The following FAM234B variants were observed in gnomAD, a reference collection of about 807,000 sequenced individuals.
FAM234B encodes the protein family with sequence similarity 234 member B.
In FAM234B, 33 loss-of-function variants were observed where a neutral mutation model predicts 69.3. The ratio of observed to expected loss-of-function variants is 0.48; its 90% CI spans 0.36 to 0.64. The LOEUF (loss-of-function observed/expected upper bound fraction) is 0.64. Among genes scored for constraint, FAM234B ranks in the 30% least tolerant of loss-of-function variants. The probability of loss-of-function intolerance (pLI) is 0.00; values close to 1 mark genes in which losing one functional copy is unlikely to be tolerated. For synonymous variants in FAM234B, 306 were observed against 306.9 expected, an observed-to-expected ratio of 1.00 and a Z score of 0.03; for missense variants, 697 against 769.7, an observed-to-expected ratio of 0.91 and a Z score of 1.12.
At chr12:13,061,544 T>G in intron 3 of FAM234B, 31 bp from the exon 4 acceptor site, 1 of 1,578,230 alleles carries the variant, frequency 6.3e-7, no homozygotes, top group Non-Finnish European at 8.6e-7. Context: ...TTGCCTGCTT[T>G]CCTTTTTTTA....
At position 13,079,979 on chromosome 12, in the gene FAM234B, T is replaced by C; in HGVS notation, c.1833T>C (p.Ser611=). 6.2e-7 allele frequency: 1 copy of C among 1,608,394 alleles called. No individual in the cohort carries two copies. Among genetic ancestry groups the C allele is most frequent in the Non-Finnish European group, 8.5e-7 (1 of 1,176,932 alleles). ...IGRGELRRFL[S]RIKFVEAPYE... is the part of the protein sequence containing the mutation. ...GTGGGGAGCTGCGAAGATTTCTCTC[T>C]AGGATAAAGTTTGTTGAAGCTCCCT... The change falls in exon 12 of 13, where the codon TCT becomes TCC. Residue 611 remains serine (S), a synonymous_variant. Transcript: ENST00000197268.
intron 1 of FAM234B, among the ~76,000 whole-genome samples, chr12:13,053,841 A>G (rs1864900655): frequency 6.6e-6 from 1 of 152,078 alleles, no homozygotes; most frequent in Non-Finnish European, 1.5e-5. Flanking sequence ...TCAACCACAT[A>G]AGACAGACAC....
Position 13,068,436 on chromosome 12 carries a change from A to G in FAM234B, c.1275A>G (p.Gln425=). The G allele has an allele frequency of 1.2e-6, 2 of 1,614,116 alleles. No individual in the cohort carries two copies. Among genetic ancestry groups the G allele is most frequent in the Non-Finnish European group, 1.7e-6 (2 of 1,180,006 alleles). ...NLTPYWALRL[Q]GLRSQPTPGY... ...CACCTTACTGGGCATTGAGACTTCA[A>G]GGCCTGCGCAGGTTTGCATTGTGTT... is the stretch of plus-strand genomic sequence containing the variant. The change falls in exon 8 of 13, where the codon CAA becomes CAG. Residue 425 remains glutamine (Q), a synonymous_variant. Transcript: ENST00000197268.
chr12:13,067,138 T>A lies in FAM234B; in HGVS notation c.1001-17T>A. 6.2e-7 allele frequency: 1 copy of A among 1,613,924 alleles called. No individual in the cohort carries two copies. The highest frequency in any genetic ancestry group is 8.5e-7 in the Non-Finnish European group (1 of 1,179,824). On this transcript the variant is annotated splice_polypyrimidine_tract_variant and intron_variant, in intron 6 of 12. Coordinates refer to ENST00000197268, the MANE Select transcript of FAM234B (RefSeq NM_020853.2). The surrounding 1 kb of genome is among the most constrained non-coding windows in gnomAD (Gnocchi z 4.7). ...GTTAAATTCAACTTCTCAGTGTTGG[T>A]TCTTCTGTGGTGCTAGGAAATATAC...
rs1226013558 is a variant in FAM234B, at chr12:13,066,787, G to C, written c.1000G>C (p.Gly334Arg). Reference protein sequence around the residue: ...NGAVYILFGFGNIQAVALRDI... With the variant: ...NGAVYILFGFRNIQAVALRDI... ...GGCTGTCTACATCCTGTTTGGCTTT[G>C]GTAAGAAGCAAGGCTAGTTTTTGCT... The change falls in exon 6 of 13, where the codon GGA (glycine) becomes CGA (arginine). Residue 334 changes from glycine (G) to arginine (R), a missense_variant and splice_region_variant. Transcript: ENST00000197268. The C allele has an allele frequency of 6.2e-7, 1 of 1,611,318 alleles. No homozygotes were observed. The highest frequency in any genetic ancestry group is 1.7e-5 in the Admixed American group (1 of 59,520).
chr12:13,060,905 A>G (rs1864976483), intron 3 of FAM234B, among the ~76,000 whole-genome samples: 1 of 152,210 alleles, frequency 6.6e-6, no homozygotes, highest in Non-Finnish European at 1.5e-5. Flanking sequence ...GGATCTAGGT[A>G]TTAGGTCTTC....
intron 6 of FAM234B, 146 bp downstream of exon 6, chr12:13,066,933 C>T (rs566431500): frequency 5.3e-5 from 52 of 972,894 alleles, no homozygotes; most frequent in East Asian, 3.1e-4. Flanking sequence ...TGTCCCCCAC[C>T]GATCACAGGC....
intron 1 of FAM234B, among the ~76,000 whole-genome samples, chr12:13,049,339 G>A (rs537249998): frequency 6.1e-4 from 93 of 152,246 alleles, no homozygotes; most frequent in African/African-American, 2.2e-3. Context: ...GCCACCACAC[G>A]TGGCAAATTT....
Position 13,044,445 on chromosome 12 carries a change from G to A in FAM234B, c.37+5G>A. 1 of 1,551,212 alleles carries A rather than the reference G, an allele frequency of 6.4e-7. No individual in the cohort carries two copies. The highest frequency in any genetic ancestry group is 8.7e-7 in the Non-Finnish European group (1 of 1,146,896). ...CCAGGGCGCTCAAGCTGCCGGGTAA[G>A]GAGTCGCATGCTTGCGACCACCCAG... On this transcript the variant is annotated splice_donor_5th_base_variant and intron_variant, in intron 1 of 12. Coordinates refer to ENST00000197268, the MANE Select transcript of FAM234B (RefSeq NM_020853.2). The surrounding 1 kb of genome is among the most constrained non-coding windows in gnomAD (Gnocchi z 5.6).
At chr12:13,048,176 T>G (rs918521285) in intron 1 of FAM234B, among the ~76,000 whole-genome samples, 1 of 152,208 alleles carries the variant, frequency 6.6e-6, no homozygotes, top group Non-Finnish European at 1.5e-5. Flanking sequence ...TGGGTCAGAA[T>G]GCTTGGACAT....
chr12:13,080,202 G>T (rs1281498039), intron 12 of FAM234B, among the ~76,000 whole-genome samples, 193 bp downstream of exon 12: 1 of 152,200 alleles, frequency 6.6e-6, no homozygotes, highest in African/African-American at 2.4e-5. Flanking sequence ...ATTGTTTTCA[G>T]CTGGAAATAA....
chr12:13,071,290 C>G lies in FAM234B; in HGVS notation c.1418C>G (p.Ala473Gly). 1.2e-6 allele frequency: 2 copies of G among 1,614,106 alleles called. No individual in the cohort carries two copies. The highest frequency in any genetic ancestry group is 1.7e-6 in the Non-Finnish European group (2 of 1,179,980). Residue 473 changes from alanine to glycine, a missense_variant, in exon 10 of 13, where the codon GCT (alanine) becomes GGT (glycine). Transcript: ENST00000197268. ...DSGSIVWSYR[A>G]PCHMKETPAT... ...GGCTCCATTGTTTGGAGTTACCGTG[C>G]TCCGTGTCACATGAAAGAAACGCCA...
In FAM234B at chr12:13,076,155, T is replaced by G; in HGVS notation, c.1642+12T>G. ...GACGGCTTCAGAGGGTGAGTCCCAG[T>G]GCCAGCGGGAGTCTGTGTACGCAGA... On this transcript the variant is annotated intron_variant, in intron 11 of 12. Transcript: ENST00000197268. 6.3e-7 allele frequency: 1 copy of G among 1,578,184 alleles called. No homozygotes were observed.
chr12:13,065,185 T>G (rs2120479783), intron 5 of FAM234B, among the ~76,000 whole-genome samples: 1 of 152,350 alleles, frequency 6.6e-6, no homozygotes, highest in Middle Eastern at 3.4e-3. Flanking sequence ...CCAGCTTCAT[T>G]CCCATAGAGC....
chr12:13,047,176 A>G (rs953358196), intron 1 of FAM234B, among the ~76,000 whole-genome samples: 5 of 152,198 alleles, frequency 3.3e-5, no homozygotes, highest in African/African-American at 1.2e-4. Flanking sequence ...AGAAGGAAAG[A>G]TGTTTGGCTC....
At chr12:13,046,276 T>C (rs1864810916) in intron 1 of FAM234B, among the ~76,000 whole-genome samples, 1 of 152,214 alleles carries the variant, frequency 6.6e-6, no homozygotes, top group Non-Finnish European at 1.5e-5. Context: ...GTCTCCTTCT[T>C]GCCCTTTCTT....
At position 13,057,966 on chromosome 12, in the gene FAM234B, A is replaced by G. The variant is rs539784683; in HGVS notation, c.434-485A>G. ...CTCCACATTCAGCCTTTGCTATATG[A>G]GTGGGTGGAGCTGGGCTGATAATTT... On this transcript the variant is annotated intron_variant, in intron 2 of 12. Coordinates refer to ENST00000197268, the MANE Select transcript of FAM234B (RefSeq NM_020853.2). 5.9e-5 allele frequency among the ~76,000 whole-genome samples: 9 copies of G among 152,306 alleles called. No homozygotes were observed. The South Asian group carries it at 1.9e-3, about 32-fold the overall frequency.
At chr12:13,064,865 G>A (rs894735294) in intron 5 of FAM234B, among the ~76,000 whole-genome samples, 6 of 152,132 alleles carry the variant, frequency 3.9e-5, no homozygotes, top group Admixed American at 1.3e-4. Context: ...TAGTGATTGC[G>A]TTCATTGATC....
At chr12:13,076,236 A>G (rs1401486219) in intron 11 of FAM234B, 93 bp downstream of exon 11, 11 of 965,284 alleles carry the variant, frequency 1.1e-5, no homozygotes, top group South Asian at 1.3e-5. Context: ...CACCCAGGGA[A>G]GGATGTGTGC....
Sources: allele counts gnomAD v4.1 joint callset (sites outside exome capture counted in the v4.1 genomes callset), GRCh38; gene constraint gnomAD v4.1.1; non-coding constraint Gnocchi (gnomAD v3.1); transcripts MANE v1.5; gene names NCBI Gene and HGNC (gene_info 2026-07-23, HGNC 2026-07-21).